Variants in ELAPOR2 observed in about 807,000 individuals in gnomAD.
The protein encoded by ELAPOR2 is endosome/lysosome-associated apoptosis and autophagy regulator family member 2.
A neutral mutation model predicts 120.7 loss-of-function variants in ELAPOR2; 89 were observed. The ratio of observed to expected loss-of-function variants is 0.74; its 90% CI spans 0.62 to 0.88. ELAPOR2 has a LOEUF of 0.88. Among genes scored for constraint, ELAPOR2 ranks in the 40% least tolerant of loss-of-function variants. The pLI, the probability that ELAPOR2 is intolerant of heterozygous loss-of-function variation, is 0.00. For missense variants in ELAPOR2, 1,134 were observed against 1,251.6 expected (o/e 0.91, Z 1.42); for synonymous variants, 444 against 444.9 (o/e 1.00, Z 0.03).
Position 86,909,712 on chromosome 7 carries a change from C to T in ELAPOR2, c.2359+100G>A, listed in dbSNP as rs1446221816. 5.0e-6 allele frequency: 5 copies of T among 997,824 alleles called. No individual in the cohort carries two copies. In the East Asian group the frequency reaches 1.3e-4, roughly 26 times the overall value. 61.8% of individuals were successfully genotyped at this position (997,824 alleles called of 1,614,324 possible). A position where few individuals can be genotyped will look rare whatever the true frequency, so the allele number is the denominator to read the frequency against. Reference sequence around the variant, plus strand: ...GACAATTTAAAATTACCTGTGGGGGCCTTAATCATCTATAGCAAACACCAA... The same window carrying T: ...GACAATTTAAAATTACCTGTGGGGGTCTTAATCATCTATAGCAAACACCAA... On this transcript the variant is annotated intron_variant, in intron 16 of 21. Coordinates refer to ENST00000450689, the MANE Select transcript of ELAPOR2 (RefSeq NM_001142749.3).
At chr7:86,911,966 A>G in intron 15 of ELAPOR2, 106 bp downstream of exon 15, 1 of 1,165,110 alleles carries the variant, frequency 8.6e-7, no homozygotes. Context: ...AGTTTCTGAC[A>G]CTTGGTTGAT....
intron 1 of ELAPOR2, among the ~76,000 whole-genome samples, chr7:87,027,512 T>A (rs1456794754): frequency 2.0e-5 from 3 of 152,180 alleles, no homozygotes; most frequent in Non-Finnish European, 4.4e-5. Flanking sequence ...AAGTCCTAAC[T>A]CCTAGTACCT....
At chr7:86,997,603 G>A (rs1793168160) in intron 1 of ELAPOR2, among the ~76,000 whole-genome samples, 3 of 152,148 alleles carry the variant, frequency 2.0e-5, no homozygotes. Flanking sequence ...CCTTCACTTA[G>A]CCTGCAAAGG....
intron 15 of ELAPOR2, chr7:86,911,811 A>G (rs906056295): frequency 1.2e-5 from 7 of 571,140 alleles, no homozygotes; most frequent in African/African-American, 1.1e-4. Context: ...AACATCCTCA[A>G]AGCACTTACA....
chr7:86,892,023 A>G (rs1360314996), intron 20 of ELAPOR2, 134 bp from the exon 21 acceptor site: 3 of 578,006 alleles, frequency 5.2e-6, no homozygotes, highest in Non-Finnish European at 6.0e-6. Context: ...AAATTTCCCT[A>G]GCCTATAGCC....
At chr7:86,889,171 T>C (rs929606992) in intron 21 of ELAPOR2, among the ~76,000 whole-genome samples, 1 of 152,082 alleles carries the variant, frequency 6.6e-6, no homozygotes, top group Non-Finnish European at 1.5e-5. Context: ...CCATACATTG[T>C]TATTCACAAT....
chr7:87,003,479 A>G (rs901894667), intron 1 of ELAPOR2, among the ~76,000 whole-genome samples: 17 of 152,164 alleles, frequency 1.1e-4, no homozygotes, highest in African/African-American at 3.9e-4. Flanking sequence ...GGTTATTTAA[A>G]AGTATGTAGC....
At chr7:86,942,744 G>A (rs763760513) in intron 4 of ELAPOR2, among the ~76,000 whole-genome samples, 13 of 151,972 alleles carry the variant, frequency 8.6e-5, no homozygotes, top group Non-Finnish European at 1.8e-4. Context: ...ATGTCAAGGG[G>A]TTGGGACACT....
At chr7:87,015,535 T>C (rs1583995225) in intron 1 of ELAPOR2, among the ~76,000 whole-genome samples, 1 of 152,108 alleles carries the variant, frequency 6.6e-6, no homozygotes, top group South Asian at 2.1e-4. Flanking sequence ...CAGCTGTAAT[T>C]CCAGCACTTT....
rs1795372632 is a variant in ELAPOR2 at position 87,059,570 on chromosome 7, G to A, written c.-57C>T. On this transcript the variant is annotated 5_prime_UTR_variant, in exon 1 of 22. Transcript: ENST00000450689. ...CAAGGCAGCCTTCCCGGGGTGCGGCGGCAGCTCCGGCTCCCGGGCCGCGAC... is the reference window on the plus strand; with the variant it reads ...CAAGGCAGCCTTCCCGGGGTGCGGCAGCAGCTCCGGCTCCCGGGCCGCGAC... 6 of 1,145,426 alleles carry A rather than the reference G, an allele frequency of 5.2e-6. No individual in the cohort carries two copies. The highest frequency in any genetic ancestry group is 5.4e-6 in the Non-Finnish European group (5 of 933,412). The allele number at this position is 1,145,426 out of a possible 1,614,324, so 71.0% of individuals were successfully genotyped here. A position where few individuals can be genotyped will look rare whatever the true frequency, so the allele number is the denominator to read the frequency against.
chr7:86,931,096 G>A (rs765970538), intron 8 of ELAPOR2, among the ~76,000 whole-genome samples: 33 of 151,910 alleles, frequency 2.2e-4, no homozygotes, highest in African/African-American at 5.3e-4. Flanking sequence ...TAAGACTAGC[G>A]ATGACTAGCT....
chr7:86,933,804 G>T (rs1790442670), intron 8 of ELAPOR2, among the ~76,000 whole-genome samples: 1 of 151,924 alleles, frequency 6.6e-6, no homozygotes, highest in East Asian at 1.9e-4. Flanking sequence ...AGCTTGCATT[G>T]CTTGACATTC....
At chr7:86,968,832 C>G (rs1013605038) in intron 1 of ELAPOR2, among the ~76,000 whole-genome samples, 1 of 152,178 alleles carries the variant, frequency 6.6e-6, no homozygotes, top group African/African-American at 2.4e-5. Flanking sequence ...GCCACACTCT[C>G]CAAATTATAA....
At chr7:87,040,645 A>G (rs1274270566) in intron 1 of ELAPOR2, among the ~76,000 whole-genome samples, 1 of 152,258 alleles carries the variant, frequency 6.6e-6, no homozygotes, top group Non-Finnish European at 1.5e-5. Flanking sequence ...AAAAGTAGAT[A>G]AAACCACAAA....
chr7:87,011,427 C>T (rs1385659423), intron 1 of ELAPOR2, among the ~76,000 whole-genome samples: 1 of 152,096 alleles, frequency 6.6e-6, no homozygotes, highest in Non-Finnish European at 1.5e-5. Flanking sequence ...ACTCCTAATA[C>T]TACTGAATGC....
chr7:86,905,377 G>A (rs1311006959), intron 18 of ELAPOR2, among the ~76,000 whole-genome samples: 1 of 151,606 alleles, frequency 6.6e-6, no homozygotes, highest in Non-Finnish European at 1.5e-5. Context: ...GAAAGCTGCT[G>A]TTTCTCGTGT....
At chr7:87,056,178 C>A (rs1452545886) in intron 1 of ELAPOR2, among the ~76,000 whole-genome samples, 1 of 152,180 alleles carries the variant, frequency 6.6e-6, no homozygotes, top group Non-Finnish European at 1.5e-5. Context: ...TCACTGTAGA[C>A]TCTTCCCAAA....
chr7:87,019,903 G>T (rs557410490), intron 1 of ELAPOR2, among the ~76,000 whole-genome samples: 1 of 152,038 alleles, frequency 6.6e-6, no homozygotes, highest in South Asian at 2.1e-4. Flanking sequence ...AATAAATTCT[G>T]TTCATTCAAA....
At chr7:86,899,829 C>T (rs1040570426) in intron 18 of ELAPOR2, among the ~76,000 whole-genome samples, 1 of 151,172 alleles carries the variant, frequency 6.6e-6, no homozygotes, top group Non-Finnish European at 1.5e-5. Context: ...TGGTTTAATT[C>T]TTATCTGCCT....
Sources: allele counts gnomAD v4.1 joint callset (sites outside exome capture counted in the v4.1 genomes callset), GRCh38; gene constraint gnomAD v4.1.1; transcripts MANE v1.5; gene names NCBI Gene and HGNC (gene_info 2026-07-23, HGNC 2026-07-21).